NUDCD3: variants seen among roughly 807,000 people sequenced by gnomAD.
The protein encoded by NUDCD3 is NudC domain containing 3.
Under a neutral mutation model 39.7 loss-of-function variants are expected in NUDCD3, and 13 were observed. The observed-to-expected ratio is 0.33, with a 90% CI of 0.21 to 0.52. NUDCD3 has a LOEUF of 0.52. NUDCD3 is among the 20% of genes least tolerant of loss of function. The pLI, the probability that NUDCD3 is intolerant of heterozygous loss-of-function variation, is 0.96. For synonymous variants in NUDCD3, 175 were observed against 172.4 expected (o/e 1.02, Z -0.12); for missense variants, 453 against 458.1 (o/e 0.99, Z 0.10).
intron 2 of NUDCD3, among the ~76,000 whole-genome samples, chr7:44,453,951 G>C (rs981982650): frequency 1.1e-4 from 17 of 152,176 alleles, no homozygotes; most frequent in African/African-American, 3.9e-4. Flanking sequence ...GCTAAGATGG[G>C]AGGACGGCTT....
chr7:44,402,748 T>G (rs1479179873), intron 4 of NUDCD3: 2 of 455,186 alleles, frequency 4.4e-6, no homozygotes, highest in East Asian at 1.4e-4. Context: ...GCCAGTGTTT[T>G]AAGGCAGGGC....
chr7:44,483,067 AGT>A lies in NUDCD3; in HGVS notation c.509+1899_509+1900del, dbSNP rs142842030. Among the ~76,000 whole-genome samples, 368 of 149,504 alleles carry A rather than the reference AGT, an allele frequency of 2.5e-3. 2 individuals carry two copies. Among genetic ancestry groups the A allele is most frequent in the African/African-American group, 7.8e-3 (322 of 41,022 alleles). The stretch of plus-strand genomic sequence containing the variant: ...GGACAAAGAGAAAACAGACCTCCTA[AGT>A]GTGTGTGTGTGTGTGTGTATGTGTG... On this transcript the variant is annotated intron_variant, in intron 2 of 5. Transcript: ENST00000355451.
chr7:44,437,748 A>G (rs1200595409), intron 2 of NUDCD3, among the ~76,000 whole-genome samples: 1 of 152,262 alleles, frequency 6.6e-6, no homozygotes, highest in African/African-American at 2.4e-5. Context: ...ATATTTACTG[A>G]AAATAAATAA....
chr7:44,490,389 C>G lies in NUDCD3; in HGVS notation c.192+20G>C, dbSNP rs1269037179. On this transcript the variant is annotated intron_variant, in intron 1 of 5. Coordinates refer to ENST00000355451, the MANE Select transcript of NUDCD3 (RefSeq NM_015332.4). ...GGCCGGGGGCGGCGGCTCCCCAGAC[C>G]GCAGGCCCGCCCGCCTCACCTGCAG... 1.3e-6 allele frequency: 2 copies of G among 1,526,210 alleles called. No homozygotes were observed. The highest frequency in any genetic ancestry group is 1.8e-6 in the Non-Finnish European group (2 of 1,138,810). 94.5% of individuals were successfully genotyped at this position (1,526,210 alleles called of 1,614,324 possible).
chr7:44,472,742 T>C (rs1800279471), intron 2 of NUDCD3, among the ~76,000 whole-genome samples: 1 of 152,188 alleles, frequency 6.6e-6, no homozygotes, highest in Admixed American at 6.5e-5. Context: ...ATCCAAGATA[T>C]TTCAAAAGTG....
chr7:44,386,266 T>A, intron 5 of NUDCD3, 145 bp from the exon 6 acceptor site: 1 of 828,608 alleles, frequency 1.2e-6, no homozygotes, highest in South Asian at 1.7e-5. Flanking sequence ...GCCAGAGAAC[T>A]GTACTACCCT....
At chr7:44,433,429 T>C (rs1173397150) in intron 2 of NUDCD3, among the ~76,000 whole-genome samples, 2 of 152,056 alleles carry the variant, frequency 1.3e-5, no homozygotes, top group Admixed American at 6.6e-5. Context: ...TGTGGGCACA[T>C]GTACTGTGTG....
At chr7:44,391,508 C>T (rs1486209998) in intron 5 of NUDCD3, among the ~76,000 whole-genome samples, 1 of 152,166 alleles carries the variant, frequency 6.6e-6, no homozygotes, top group Non-Finnish European at 1.5e-5. Context: ...GATCAGCGAT[C>T]TTCAGGGGGA....
intron 4 of NUDCD3, among the ~76,000 whole-genome samples, chr7:44,394,042 G>T (rs1208785552): frequency 6.6e-6 from 1 of 152,218 alleles, no homozygotes; most frequent in African/African-American, 2.4e-5. Flanking sequence ...ACTCTGCAGA[G>T]CCCAGGGATC....
chr7:44,425,468 G>C (rs987926055), intron 3 of NUDCD3, among the ~76,000 whole-genome samples: 6 of 152,004 alleles, frequency 3.9e-5, no homozygotes, highest in African/African-American at 1.5e-4. Flanking sequence ...ATTTTGCATT[G>C]TTACTTGAGA....
intron 3 of NUDCD3, among the ~76,000 whole-genome samples, chr7:44,406,922 A>G (rs929159906): frequency 6.6e-6 from 1 of 152,192 alleles, no homozygotes; most frequent in Non-Finnish European, 1.5e-5. Context: ...GTCGGCAGGT[A>G]TGCAGAGCAG....
intron 3 of NUDCD3, among the ~76,000 whole-genome samples, chr7:44,410,593 G>T (rs1038495623): frequency 6.6e-6 from 1 of 151,892 alleles, no homozygotes; most frequent in Non-Finnish European, 1.5e-5. Context: ...GAACCCAGGA[G>T]GTGGAGCTTG....
chr7:44,406,183 C>G (rs889030285), intron 3 of NUDCD3, among the ~76,000 whole-genome samples: 14 of 152,232 alleles, frequency 9.2e-5, no homozygotes, highest in African/African-American at 3.1e-4. Context: ...CTGGGGGACA[C>G]AGCGAAGATA....
intron 5 of NUDCD3, 130 bp from the exon 6 acceptor site, chr7:44,386,251 G>T: frequency 1.0e-6 from 1 of 984,024 alleles, no homozygotes; most frequent in Non-Finnish European, 1.5e-6. Context: ...TGGCAAGACC[G>T]GCTGGCCAGA....
chr7:44,426,665 G>A (rs936269006), intron 3 of NUDCD3, among the ~76,000 whole-genome samples: 1 of 151,202 alleles, frequency 6.6e-6, no homozygotes, highest in Non-Finnish European at 1.5e-5. Flanking sequence ...GCGTAGTGGC[G>A]GGCGCCTGTA....
intron 4 of NUDCD3, among the ~76,000 whole-genome samples, chr7:44,394,899 G>A (rs903868648): frequency 1.3e-5 from 2 of 152,196 alleles, no homozygotes; most frequent in African/African-American, 4.8e-5. Context: ...CAGAGTGGAG[G>A]GCTCCTGGGC....
chr7:44,464,379 T>A (rs1333791572), intron 2 of NUDCD3, among the ~76,000 whole-genome samples: 3 of 152,190 alleles, frequency 2.0e-5, no homozygotes, highest in African/African-American at 7.2e-5. Flanking sequence ...TCACGGCCTC[T>A]GGGTTAGAAC....
chr7:44,428,288 T>G (rs1367839301), intron 2 of NUDCD3, among the ~76,000 whole-genome samples: 8 of 151,680 alleles, frequency 5.3e-5, no homozygotes, highest in Admixed American at 5.3e-4. Context: ...ATACAAAAAT[T>G]AGCTGAGCAT....
At chr7:44,461,374 G>T (rs980052436) in intron 2 of NUDCD3, among the ~76,000 whole-genome samples, 22 of 152,270 alleles carry the variant, frequency 1.4e-4, no homozygotes, top group Middle Eastern at 3.4e-3. Context: ...CATCATAGAA[G>T]GTATGCCACA....
Sources: allele counts gnomAD v4.1 joint callset (sites outside exome capture counted in the v4.1 genomes callset), GRCh38; gene constraint gnomAD v4.1.1; transcripts MANE v1.5; gene names NCBI Gene and HGNC (gene_info 2026-07-23, HGNC 2026-07-21).